The following TMEM217B variants were observed in gnomAD, a reference collection of about 807,000 sequenced individuals.
The protein encoded by TMEM217B is putative transmembrane protein 217B.
the TMEM217B span, among the ~76,000 whole-genome samples, chr6:37,223,304 A>G: frequency 3.3e-5 from 5 of 152,190 alleles, no homozygotes; most frequent in Admixed American, 3.3e-4. Context: ...GAAAATCTAC[A>G]CAAAACATAT....
the TMEM217B span, among the ~76,000 whole-genome samples, chr6:37,221,028 T>C: frequency 3.3e-5 from 5 of 152,182 alleles, no homozygotes; most frequent in Non-Finnish European, 7.3e-5. Context: ...ATTCATTTTG[T>C]TGTACAAACA....
At chr6:37,232,360 G>A in the TMEM217B span, among the ~76,000 whole-genome samples, 2 of 152,108 alleles carry the variant, frequency 1.3e-5, no homozygotes, top group African/African-American at 2.4e-5. Flanking sequence ...AAGGCCCTAT[G>A]CAATAGTTTT....
chr6:37,218,421 C>T, the TMEM217B span: 7 of 1,592,316 alleles, frequency 4.4e-6, no homozygotes, highest in Non-Finnish European at 6.0e-6. Context: ...AGGCGATCCA[C>T]CTACCTCTGC....
the TMEM217B span, chr6:37,218,451 C>G: frequency 6.2e-7 from 1 of 1,610,666 alleles, no homozygotes; most frequent in African/African-American, 1.3e-5. Context: ...TACTGGGATT[C>G]CAGGTGTGAG....
chr6:37,257,662 A>G, the TMEM217B span: 135 of 519,350 alleles, frequency 2.6e-4, 2 homozygotes, highest in South Asian at 2.9e-3. Flanking sequence ...CCAGCCCCTG[A>G]CGTTACCGGT....
chr6:37,249,247 T>C, the TMEM217B span, among the ~76,000 whole-genome samples: 1 of 152,246 alleles, frequency 6.6e-6, no homozygotes, highest in Non-Finnish European at 1.5e-5. Context: ...GATTTTGAAT[T>C]TGTGCCATGC....
the TMEM217B span, among the ~76,000 whole-genome samples, chr6:37,216,943 A>G: frequency 6.6e-6 from 1 of 152,194 alleles, no homozygotes; most frequent in Non-Finnish European, 1.5e-5. Context: ...GCACCTTGAT[A>G]TTGAACTTCT....
At chr6:37,246,760 C>A in the TMEM217B span, among the ~76,000 whole-genome samples, 3 of 151,954 alleles carry the variant, frequency 2.0e-5, no homozygotes, top group Non-Finnish European at 2.9e-5. Flanking sequence ...TAAAAATTAG[C>A]TGATGTGGTG....
chr6:37,216,635 G>A, the TMEM217B span, among the ~76,000 whole-genome samples: 999 of 152,242 alleles, frequency 6.6e-3, 10 homozygotes, highest in African/African-American at 0.022. Context: ...GGATGGGAGC[G>A]GGGAAGACAA....
chr6:37,216,325 C>T, the TMEM217B span, among the ~76,000 whole-genome samples: 10 of 152,144 alleles, frequency 6.6e-5, no homozygotes, highest in African/African-American at 1.4e-4. Context: ...GTGATCCGCC[C>T]GCTTTGGCCT....
At chr6:37,228,299 A>C in the TMEM217B span, among the ~76,000 whole-genome samples, 1 of 152,270 alleles carries the variant, frequency 6.6e-6, no homozygotes, top group Non-Finnish European at 1.5e-5. Context: ...GACAGTGTCC[A>C]CCTGCCTGAA....
At chr6:37,251,744 A>T in the TMEM217B span, among the ~76,000 whole-genome samples, 2 of 152,200 alleles carry the variant, frequency 1.3e-5, no homozygotes, top group Admixed American at 1.3e-4. Flanking sequence ...AACAAAATGG[A>T]ACTTTAATTA....
At chr6:37,215,202 C>A in the TMEM217B span, 15 of 1,613,434 alleles carry the variant, frequency 9.3e-6, no homozygotes, top group Admixed American at 1.7e-5. Flanking sequence ...ACTCACTCAG[C>A]AGACATCTAT....
the TMEM217B span, among the ~76,000 whole-genome samples, chr6:37,225,556 G>T: frequency 6.6e-6 from 1 of 152,160 alleles, no homozygotes; most frequent in Non-Finnish European, 1.5e-5. Context: ...ATACTGTGGC[G>T]TAATTGGCCT....
the TMEM217B span, among the ~76,000 whole-genome samples, chr6:37,255,310 G>A: frequency 6.6e-6 from 1 of 152,154 alleles, no homozygotes; most frequent in Non-Finnish European, 1.5e-5. Context: ...TAAGGAGCTT[G>A]GATTTTATGC....
At chr6:37,230,753 A>G in the TMEM217B span, among the ~76,000 whole-genome samples, 1 of 152,170 alleles carries the variant, frequency 6.6e-6, no homozygotes, top group Non-Finnish European at 1.5e-5. Context: ...TAGCAAACCA[A>G]TAAAGGGGCC....
At chr6:37,228,963 C>T in the TMEM217B span, among the ~76,000 whole-genome samples, 6 of 151,768 alleles carry the variant, frequency 4.0e-5, no homozygotes, top group East Asian at 1.9e-4. Flanking sequence ...TGCCACTGCA[C>T]TCCAGCCTGG....
the TMEM217B span, among the ~76,000 whole-genome samples, chr6:37,230,218 C>T: frequency 6.6e-6 from 1 of 152,194 alleles, no homozygotes; most frequent in Non-Finnish European, 1.5e-5. Context: ...AAAGTTCTCT[C>T]CATTTATGGG....
At chr6:37,215,570 C>CGAAAAAAAAAAAAAA in the TMEM217B span, among the ~76,000 whole-genome samples, 1 of 72,368 alleles carries the variant, frequency 1.4e-5, no homozygotes, top group African/African-American at 6.0e-5. Flanking sequence ...GACTCTGTCT[C>CGAAAAAAAAAAAAAA]AAAAAAAAAA....
Sources: allele counts gnomAD v4.1 joint callset (sites outside exome capture counted in the v4.1 genomes callset), GRCh38; gene constraint gnomAD v4.1.1; transcripts MANE v1.5; gene names NCBI Gene and HGNC (gene_info 2026-07-23, HGNC 2026-07-21).